The following NUP214 variants were observed in gnomAD, a reference collection of about 807,000 sequenced individuals.
The protein encoded by NUP214 is nucleoporin 214, also known as nuclear pore complex protein Nup214.
NUP214 carries 79 observed loss-of-function variants against 196.2 expected under a neutral mutation model. The ratio of observed to expected loss-of-function variants is 0.40; its 90% CI spans 0.34 to 0.49. The LOEUF is 0.49. NUP214 is among the 20% of genes least tolerant of loss of function. The probability of loss-of-function intolerance (pLI) is 0.58; values close to 1 mark genes in which losing one functional copy is unlikely to be tolerated. For synonymous variants in NUP214, 1,020 were observed against 990.5 expected (o/e 1.03, Z -0.56); for missense variants, 2,468 against 2,539.0 (o/e 0.97, Z 0.60).
At position 131,198,149 on chromosome 9, in the gene NUP214, G is replaced by C; in HGVS notation, c.4655G>C (p.Gly1552Ala). Residue 1552 changes from glycine (G) to alanine (A), a missense_variant, in exon 29 of 36, where the codon GGC (glycine) becomes GCC (alanine). Coordinates refer to ENST00000359428, the MANE Select transcript of NUP214 (RefSeq NM_005085.4). ...GCCCAGCCTGCAGTCAGCAACTCTGGCACTGCAGCATCTAGTACTAGTCTT... is the reference window on the plus strand; with the variant it reads ...GCCCAGCCTGCAGTCAGCAACTCTGCCACTGCAGCATCTAGTACTAGTCTT... ...VLAQPAVSNS[G>A]TAASSTSLVA... The C allele has an allele frequency of 6.2e-7, 1 of 1,614,162 alleles. No individual in the cohort carries two copies. Among genetic ancestry groups the C allele is most frequent in the South Asian group, 1.1e-5 (1 of 91,082 alleles).
At chr9:131,129,730 A>G (rs983894982) in intron 4 of NUP214, among the ~76,000 whole-genome samples, 1 of 151,946 alleles carries the variant, frequency 6.6e-6, no homozygotes, top group African/African-American at 2.4e-5. Flanking sequence ...CGGCCACCCA[A>G]ATAGCTGGGA....
chr9:131,128,529 G>C, intron 3 of NUP214, 46 bp downstream of exon 3: 1 of 1,510,000 alleles, frequency 6.6e-7, no homozygotes, highest in Non-Finnish European at 9.0e-7. Context: ...ACCCTAAGCA[G>C]ATTTCCTTGT....
At chr9:131,143,455 T>G (rs1455492564) in intron 11 of NUP214, among the ~76,000 whole-genome samples, 2 of 152,164 alleles carry the variant, frequency 1.3e-5, no homozygotes, top group Non-Finnish European at 2.9e-5. Flanking sequence ...CCAAAATGTT[T>G]TCTTAAAAAA....
intron 2 of NUP214, 23 bp from the exon 3 acceptor site, chr9:131,128,309 T>C (rs1831425761): frequency 1.9e-6 from 3 of 1,600,668 alleles, no homozygotes; most frequent in Non-Finnish European, 2.6e-6. Context: ...CGTTTTCTGC[T>C]TTGTATTTTT....
chr9:131,222,874 C>G lies in NUP214; in HGVS notation c.5846C>G (p.Ser1949Cys). The G allele has an allele frequency of 6.2e-7, 1 of 1,614,226 alleles. No individual in the cohort carries two copies. Among genetic ancestry groups the G allele is most frequent in the Non-Finnish European group, 8.5e-7 (1 of 1,180,048 alleles). ...CAGAAACCCACTGGCACTTTCAGCT[C>G]TGGAGGAGGAAGTGTGGCATCCCAA... ...GEQKPTGTFS[S>C]GGGSVASQGF... Residue 1949 changes from serine (S) to cysteine (C), a missense_variant, in exon 32 of 36, where the codon TCT (serine) becomes TGT (cysteine). Physicochemically the swap from Ser to Cys is moderately radical, Grantham distance 112. Coordinates refer to ENST00000359428, the MANE Select transcript of NUP214 (RefSeq NM_005085.4).
chr9:131,140,119 G>A (rs947404030), intron 10 of NUP214, among the ~76,000 whole-genome samples: 1 of 152,162 alleles, frequency 6.6e-6, no homozygotes, highest in Admixed American at 6.5e-5. Flanking sequence ...GGATAAAGTG[G>A]TTTGACTCAT....
chr9:131,173,662 A>C (rs576263330), intron 21 of NUP214, among the ~76,000 whole-genome samples: 1 of 152,164 alleles, frequency 6.6e-6, no homozygotes, highest in African/African-American at 2.4e-5. Context: ...TGTTCTTAGA[A>C]GCTTATCATT....
At chr9:131,127,224 A>G (rs1831386864) in intron 1 of NUP214, 1 of 197,132 alleles carries the variant, frequency 5.1e-6, no homozygotes, top group African/African-American at 2.3e-5. Context: ...GTCTACTAAA[A>G]ATACAAAAAT....
chr9:131,216,371 C>T (rs901581691), intron 31 of NUP214, among the ~76,000 whole-genome samples: 1 of 150,506 alleles, frequency 6.6e-6, no homozygotes, highest in Non-Finnish European at 1.5e-5. Flanking sequence ...ATTACAGGTG[C>T]CCGCCACCAA....
rs373495453 is a variant in NUP214, at chr9:131,151,903, T to G, written c.2436+9T>G. 2.9e-5 allele frequency: 45 copies of G among 1,566,970 alleles called. No homozygotes were observed. Among genetic ancestry groups the G allele is most frequent in the Non-Finnish European group, 3.5e-5 (41 of 1,162,042 alleles). On this transcript the variant is annotated intron_variant, in intron 17 of 35. Coordinates refer to ENST00000359428, the MANE Select transcript of NUP214 (RefSeq NM_005085.4). The stretch of plus-strand genomic sequence containing the variant: ...GTGAAGCTCAGCTTCAGGTAGGAGA[T>G]CTATGTAAATCTGTTTAAAAGATTT...
At chr9:131,137,984 A>G (rs755639490) in intron 9 of NUP214, among the ~76,000 whole-genome samples, 2 of 152,104 alleles carry the variant, frequency 1.3e-5, no homozygotes, top group African/African-American at 2.4e-5. Flanking sequence ...ATGATAAGTC[A>G]TCTTTATCTT....
intron 14 of NUP214, 56 bp downstream of exon 14, chr9:131,147,640 T>C (rs1044514448): frequency 8.2e-7 from 1 of 1,218,146 alleles, no homozygotes; most frequent in Non-Finnish European, 1.2e-6. Context: ...GCCCCAAGCA[T>C]ACCTATGAAT....
At chr9:131,137,169 C>T (rs917677862) in intron 9 of NUP214, among the ~76,000 whole-genome samples, 1 of 152,174 alleles carries the variant, frequency 6.6e-6, no homozygotes, top group African/African-American at 2.4e-5. Context: ...CATATGTTCA[C>T]ACATTAAAAA....
Position 131,215,388 on chromosome 9 carries a change from C to G in NUP214, c.5749+20C>G, listed in dbSNP as rs1834363051. On this transcript the variant is annotated intron_variant, in intron 31 of 35. Coordinates refer to ENST00000359428, the MANE Select transcript of NUP214 (RefSeq NM_005085.4). ...CCTCAAGTAAGTTGAGAAGACTTTT[C>G]CCAGTCCCTTGGTCCCCTAATGCCA... 1.9e-6 allele frequency: 3 copies of G among 1,558,484 alleles called. No homozygotes were observed. Among genetic ancestry groups the G allele is most frequent in the Non-Finnish European group, 2.6e-6 (3 of 1,153,324 alleles).
chr9:131,142,064 T>C (rs1041273431), intron 11 of NUP214, among the ~76,000 whole-genome samples: 6 of 152,194 alleles, frequency 3.9e-5, no homozygotes, highest in South Asian at 4.1e-4. Flanking sequence ...CCAAGTGATA[T>C]ACCAGATGGC....
At chr9:131,200,874 T>G (rs1241531530) in intron 29 of NUP214, among the ~76,000 whole-genome samples, 1 of 151,802 alleles carries the variant, frequency 6.6e-6, no homozygotes, top group Admixed American at 6.6e-5. Context: ...GAAAAGAATG[T>G]GGTATCTGAG....
At chr9:131,190,361 T>G (rs1833564700) in intron 26 of NUP214, 2 of 639,870 alleles carry the variant, frequency 3.1e-6, no homozygotes, top group African/African-American at 3.7e-5. Context: ...GGAACTTTGC[T>G]TTATGCATGT....
At chr9:131,162,861 T>G in intron 18 of NUP214, 130 bp from the exon 19 acceptor site, 1 of 820,262 alleles carries the variant, frequency 1.2e-6, no homozygotes, top group Non-Finnish European at 2.0e-6. Context: ...TTCTTAATGG[T>G]TCTTGTCCAG....
At chr9:131,187,107 C>G (rs1046197879) in intron 24 of NUP214, 182 bp from the exon 25 acceptor site, 29 of 573,182 alleles carry the variant, frequency 5.1e-5, no homozygotes, top group Middle Eastern at 5.3e-4. Flanking sequence ...GCTAAAAACC[C>G]AAAGTTCATT....
Sources: allele counts gnomAD v4.1 joint callset (sites outside exome capture counted in the v4.1 genomes callset), GRCh38; gene constraint gnomAD v4.1.1; transcripts MANE v1.5; gene names NCBI Gene and HGNC (gene_info 2026-07-23, HGNC 2026-07-21).